FRK: variants seen among roughly 807,000 people sequenced by gnomAD.
FRK encodes tyrosine-protein kinase FRK.
FRK carries 51 observed loss-of-function variants against 56.4 expected under a neutral mutation model. The ratio of observed to expected loss-of-function variants is 0.90; its 90% CI spans 0.72 to 1.14. The LOEUF (loss-of-function observed/expected upper bound fraction) is 1.14, where lower values mean the gene tolerates loss of function less well. Ranked by LOEUF, FRK falls within the 50% of genes most tolerant of loss-of-function variation. The pLI is 0.00. For missense variants in FRK, 570 were observed against 601.4 expected, an observed-to-expected ratio of 0.95 and a Z score of 0.55; for synonymous variants, 245 against 217.9, an observed-to-expected ratio of 1.12 and a Z score of -1.10.
At chr6:116,028,516 T>C (rs985696543) in intron 1 of FRK, among the ~76,000 whole-genome samples, 1 of 152,152 alleles carries the variant, frequency 6.6e-6, no homozygotes, top group Admixed American at 6.5e-5. Context: ...CATGTCAGCA[T>C]GTTAGCTCCT....
intron 1 of FRK, among the ~76,000 whole-genome samples, chr6:116,036,937 G>A (rs1313346530): frequency 6.6e-6 from 1 of 152,030 alleles, no homozygotes; most frequent in Non-Finnish European, 1.5e-5. Flanking sequence ...TTCTACATGT[G>A]AGCATGCCAA....
the FRK span, among the ~76,000 whole-genome samples, chr6:116,100,368 C>G: frequency 6.6e-6 from 1 of 152,216 alleles, no homozygotes; most frequent in Non-Finnish European, 1.5e-5. Context: ...AAACCACTAT[C>G]AAAGATCACG....
the FRK span, among the ~76,000 whole-genome samples, chr6:116,096,593 G>C: frequency 1.3e-5 from 2 of 151,966 alleles, no homozygotes; most frequent in African/African-American, 2.4e-5. Flanking sequence ...GCACCAATGA[G>C]CACTCTGTGT....
chr6:116,090,329 G>A, the FRK span, among the ~76,000 whole-genome samples: 1 of 152,176 alleles, frequency 6.6e-6, no homozygotes, highest in Non-Finnish European at 1.5e-5. Flanking sequence ...TGATGATACG[G>A]GACAGTGATT....
Position 115,977,595 on chromosome 6 carries a change from C to T in FRK, c.467-8856G>A, listed in dbSNP as rs576806443. On this transcript the variant is annotated intron_variant, in intron 2 of 7. Coordinates refer to ENST00000606080, the MANE Select transcript of FRK (RefSeq NM_002031.3). ...TTTTTGAGGATACATCTAATAGGTG[C>T]CAGGTCCTAGGGTCTATCAGGGTTG... Among the ~76,000 whole-genome samples the T allele has an allele frequency of 3.3e-5, 5 of 152,250 alleles. No homozygotes were observed. In the South Asian group the frequency reaches 8.3e-4, roughly 25 times the overall value.
intron 1 of FRK, among the ~76,000 whole-genome samples, chr6:116,007,746 T>C (rs948296639): frequency 6.6e-6 from 1 of 152,166 alleles, no homozygotes; most frequent in Non-Finnish European, 1.5e-5. Flanking sequence ...CAGAATGGCA[T>C]TGTCCTATTA....
chr6:116,044,897 A>T (rs185588908), intron 1 of FRK, among the ~76,000 whole-genome samples: 1 of 152,372 alleles, frequency 6.6e-6, no homozygotes, highest in Non-Finnish European at 1.5e-5. Context: ...GTCAATACAA[A>T]ATCAATGTGC....
At position 115,992,831 on chromosome 6, in the gene FRK, T is replaced by C. The variant is rs150242826; in HGVS notation, c.466+11046A>G. Among the ~76,000 whole-genome samples, 470 of 151,864 alleles carry C rather than the reference T, an allele frequency of 3.1e-3. 1 individual carries two copies. The highest frequency in any genetic ancestry group is 4.6e-3 in the Non-Finnish European group (313 of 67,730). ...GCTTAAATGTCAAGGTAAATAGGAATGTATGAGGTTTGTAAAGGAGAGCTA... is the reference window on the plus strand; with the variant it reads ...GCTTAAATGTCAAGGTAAATAGGAACGTATGAGGTTTGTAAAGGAGAGCTA... On this transcript the variant is annotated intron_variant, in intron 2 of 7. Coordinates refer to ENST00000606080, the MANE Select transcript of FRK (RefSeq NM_002031.3).
the FRK span, among the ~76,000 whole-genome samples, chr6:116,079,245 T>G: frequency 6.6e-6 from 1 of 152,122 alleles, no homozygotes; most frequent in African/African-American, 2.4e-5. Context: ...ATCAGACTTT[T>G]AATTTTTGCC....
the FRK span, among the ~76,000 whole-genome samples, chr6:116,070,367 G>A: frequency 5.9e-5 from 9 of 152,122 alleles, no homozygotes; most frequent in African/African-American, 1.7e-4. Flanking sequence ...AGAAAAGTAT[G>A]TGGCCAAAGA....
At chr6:116,032,017 C>G (rs1776319017) in intron 1 of FRK, among the ~76,000 whole-genome samples, 1 of 152,032 alleles carries the variant, frequency 6.6e-6, no homozygotes, top group South Asian at 2.1e-4. Flanking sequence ...AAAATATACA[C>G]AAGAGGAAGC....
At chr6:116,080,348 G>A in the FRK span, among the ~76,000 whole-genome samples, 6 of 152,180 alleles carry the variant, frequency 3.9e-5, no homozygotes, top group East Asian at 3.9e-4. Context: ...TAGAGATGGG[G>A]TTTCACCATG....
intron 1 of FRK, among the ~76,000 whole-genome samples, chr6:116,005,126 C>A (rs1162701411): frequency 1.3e-5 from 2 of 152,228 alleles, no homozygotes; most frequent in South Asian, 2.1e-4. Flanking sequence ...AAAAGAGAGA[C>A]ATTAACATAT....
intron 1 of FRK, among the ~76,000 whole-genome samples, chr6:116,008,765 T>G (rs1775350010): frequency 6.6e-6 from 1 of 152,154 alleles, no homozygotes; most frequent in African/African-American, 2.4e-5. Flanking sequence ...CTCTTTAAGC[T>G]ACAGTTCTTA....
rs189186600 is a variant in FRK at position 116,045,924 on chromosome 6, A to G, written c.344+14044T>C. 1.4e-4 allele frequency among the ~76,000 whole-genome samples: 22 copies of G among 152,354 alleles called. No individual in the cohort carries two copies. In the East Asian group the frequency reaches 4.2e-3, roughly 29 times the overall value. ...AAAGGGCTAATATCCAGAATCTACA[A>G]GGAACTTAAACAAATTTACAAGAAA... On this transcript the variant is annotated intron_variant, in intron 1 of 7. Transcript: ENST00000606080.
At chr6:116,059,309 T>C (rs1167754911) in intron 1 of FRK, among the ~76,000 whole-genome samples, 1 of 152,186 alleles carries the variant, frequency 6.6e-6, no homozygotes, top group Non-Finnish European at 1.5e-5. Flanking sequence ...CTTTTTCCTA[T>C]CAAAATTTAC....
intron 1 of FRK, among the ~76,000 whole-genome samples, chr6:116,029,256 G>A (rs937067827): frequency 6.6e-6 from 1 of 152,010 alleles, no homozygotes; most frequent in Non-Finnish European, 1.5e-5. Context: ...TTCTAATATA[G>A]TCTATAACTT....
chr6:115,981,878 C>T (rs1177643549), intron 2 of FRK, among the ~76,000 whole-genome samples: 1 of 152,044 alleles, frequency 6.6e-6, no homozygotes, highest in Non-Finnish European at 1.5e-5. Context: ...CTCATTTCTA[C>T]AAGCAGATAG....
At chr6:116,071,455 C>T in the FRK span, among the ~76,000 whole-genome samples, 1 of 152,270 alleles carries the variant, frequency 6.6e-6, no homozygotes, top group Admixed American at 6.5e-5. Context: ...AAAACCTCAT[C>T]ATTCTCCACT....
Sources: allele counts gnomAD v4.1 joint callset (sites outside exome capture counted in the v4.1 genomes callset), GRCh38; gene constraint gnomAD v4.1.1; transcripts MANE v1.5; gene names NCBI Gene and HGNC (gene_info 2026-07-23, HGNC 2026-07-21).